Variants in ZNF300 observed in about 807,000 individuals in gnomAD.
The protein encoded by ZNF300 is kruppel-like zinc finger protein.
ZNF300 carries 6 observed loss-of-function variants against 13.9 expected under a neutral mutation model. The ratio of observed to expected loss-of-function variants is 0.43; its 90% CI spans 0.24 to 0.85. The LOEUF (loss-of-function observed/expected upper bound fraction) is 0.85, where lower values mean the gene tolerates loss of function less well. Among genes scored for constraint, ZNF300 ranks in the 40% least tolerant of loss-of-function variants. ZNF300 has a pLI of 0.25. For missense variants in ZNF300, 662 were observed against 714.2 expected (o/e 0.93, Z 0.83); for synonymous variants, 237 against 242.2 (o/e 0.98, Z 0.20).
intron 5 of ZNF300, 171 bp downstream of exon 5, chr5:150,897,889 CAA>C (rs1754849996): frequency 2.8e-6 from 2 of 715,576 alleles, no homozygotes; most frequent in Admixed American, 3.2e-5. Context: ...TATATACACA[CAA>C]GAGACAGGAT....
Position 150,895,582 on chromosome 5 carries a change from C to G in ZNF300, c.1657G>C (p.Glu553Gln). 6.2e-7 allele frequency: 1 copy of G among 1,613,532 alleles called. No individual in the cohort carries two copies. Among genetic ancestry groups the G allele is most frequent in the Non-Finnish European group, 8.5e-7 (1 of 1,179,772 alleles). Residue 553 changes from glutamate to glutamine, a missense_variant, in exon 6 of 6, where the codon GAA becomes CAA. Physicochemically the swap from Glu to Gln is conservative, Grantham distance 29. Coordinates refer to ENST00000274599, the MANE Select transcript of ZNF300 (RefSeq NM_052860.4). ...TTCTGAGAAAAGGCCTTTCCACATT[C>G]AGCACATATGTAAGGTTTCTCTCCT... ...HTGEKPYICAECGKAFSQKSD... is the reference protein window; with the variant it reads ...HTGEKPYICAQCGKAFSQKSD...
chr5:150,903,402 G>C, intron 2 of ZNF300: 1 of 1,520,880 alleles, frequency 6.6e-7, no homozygotes, highest in Non-Finnish European at 8.9e-7. Context: ...TGATCACATA[G>C]AAGTTGACCA....
rs977790975 is a variant in ZNF300 at position 150,895,237 on chromosome 5, T to C, written c.*187A>G. On this transcript the variant is annotated 3_prime_UTR_variant, in exon 6 of 6. Transcript: ENST00000274599. ...AAAGCTTTACATGCCATATTAAAAA[T>C]GTTCTTCATTTATATAACTATTTTC... 2.0e-6 allele frequency: 1 copy of C among 503,318 alleles called. No individual in the cohort carries two copies. The highest frequency in any genetic ancestry group is 3.6e-5 in the Admixed American group (1 of 27,632). 31.2% of individuals were successfully genotyped at this position (503,318 alleles called of 1,614,324 possible). A position where few individuals can be genotyped will look rare whatever the true frequency, so the allele number is the denominator to read the frequency against.
At position 150,903,678 on chromosome 5, in the gene ZNF300, T is replaced by C. The variant is rs557100197; in HGVS notation, c.-28+186A>G. Among the ~76,000 whole-genome samples, 11 of 152,342 alleles carry C rather than the reference T, an allele frequency of 7.2e-5. No individual in the cohort carries two copies. In the South Asian group the frequency reaches 1.4e-3, roughly 20 times the overall value. ...CAATTTTCCAAGAACTCTCTTATATTTTCCCCCAACTTAGAAAACTCTTGC... is the reference window on the plus strand; with the variant it reads ...CAATTTTCCAAGAACTCTCTTATATCTTCCCCCAACTTAGAAAACTCTTGC... On this transcript the variant is annotated intron_variant, in intron 2 of 5. Coordinates refer to ENST00000274599, the MANE Select transcript of ZNF300 (RefSeq NM_052860.4).
intron 3 of ZNF300, among the ~76,000 whole-genome samples, chr5:150,898,901 T>C (rs890490719): frequency 5.3e-5 from 8 of 152,022 alleles, no homozygotes; most frequent in African/African-American, 1.9e-4. Context: ...TGAATATTTA[T>C]ATGTTGAAGT....
In ZNF300 at chr5:150,898,040, CAT is replaced by C. The variant is rs763557828; in HGVS notation, c.265+20_265+21del. 8.7e-6 allele frequency: 14 copies of C among 1,602,900 alleles called. No individual in the cohort carries two copies. The Middle Eastern group carries it at 6.7e-4, about 77-fold the overall frequency. On this transcript the variant is annotated intron_variant, in intron 5 of 5. Coordinates refer to ENST00000274599, the MANE Select transcript of ZNF300 (RefSeq NM_052860.4). ...CTCAGGCACCAATCAATTAAAAAAACATAAATTGATATTTCACTTCCCTTGTC... is the reference window on the plus strand; with the variant it reads ...CTCAGGCACCAATCAATTAAAAAAACAAATTGATATTTCACTTCCCTTGTC...
At chr5:150,899,121 G>T (rs932469159) in intron 3 of ZNF300, among the ~76,000 whole-genome samples, 1 of 151,956 alleles carries the variant, frequency 6.6e-6, no homozygotes, top group Non-Finnish European at 1.5e-5. Context: ...AAGGAGAGAG[G>T]CATGAAACAA....
rs1171773737 is a variant in ZNF300, at chr5:150,895,197, G to A, written c.*227C>T. On this transcript the variant is annotated 3_prime_UTR_variant, in exon 6 of 6. Coordinates refer to ENST00000274599, the MANE Select transcript of ZNF300 (RefSeq NM_052860.4). ...TGCTTAACTTGCTGTGCTGATCACTGAGTTCATAACTTTAAAAGCTTTACA... is the reference window on the plus strand; with the variant it reads ...TGCTTAACTTGCTGTGCTGATCACTAAGTTCATAACTTTAAAAGCTTTACA... The A allele has an allele frequency of 2.3e-6, 1 of 431,602 alleles. No individual in the cohort carries two copies. Among genetic ancestry groups the A allele is most frequent in the African/African-American group, 2.0e-5 (1 of 49,582 alleles). The allele number at this position is 431,602 out of a possible 1,614,324, so 26.7% of individuals were successfully genotyped here. A position where few individuals can be genotyped will look rare whatever the true frequency, so the allele number is the denominator to read the frequency against.
At chr5:150,903,351 T>C in intron 2 of ZNF300, 169 bp from the exon 3 acceptor site, 1 of 1,551,594 alleles carries the variant, frequency 6.4e-7, no homozygotes, top group Non-Finnish European at 8.7e-7. Context: ...AGGCACCATG[T>C]GGAGGAGGGA....
chr5:150,896,739 A>G lies in ZNF300; in HGVS notation c.500T>C (p.Leu167Pro). 2 of 1,613,508 alleles carry G rather than the reference A, an allele frequency of 1.2e-6. No individual in the cohort carries two copies. Among genetic ancestry groups the G allele is most frequent in the Non-Finnish European group, 1.7e-6 (2 of 1,179,636 alleles). Residue 167 changes from leucine to proline, a missense_variant, in exon 6 of 6, where the codon CTG (leucine) becomes CCG (proline). Leu to Pro is a moderately conservative substitution (Grantham distance 98). Transcript: ENST00000274599. ...TEASGHKYNP[L>P]GKIFQECIET... The stretch of plus-strand genomic sequence containing the variant: ...TATGCACTCTTGAAATATTTTCCCC[A>G]GTGGATTATATTTATGCCCTGATGC...
chr5:150,901,158 C>T (rs1297557991), intron 3 of ZNF300, among the ~76,000 whole-genome samples: 2 of 151,978 alleles, frequency 1.3e-5, no homozygotes, highest in African/African-American at 2.4e-5. Flanking sequence ...AGCATTTAAT[C>T]AACTAATTAG....
chr5:150,897,896 CA>C lies in ZNF300; in HGVS notation c.265+165del, dbSNP rs1159114391. 1.1e-5 allele frequency: 8 copies of C among 737,342 alleles called. 1 individual carries two copies. The Admixed American group carries it at 1.9e-4, about 17-fold the overall frequency. 45.7% of individuals were successfully genotyped at this position (737,342 alleles called of 1,614,324 possible). A position where few individuals can be genotyped will look rare whatever the true frequency, so the allele number is the denominator to read the frequency against. On this transcript the variant is annotated intron_variant, in intron 5 of 5. Coordinates refer to ENST00000274599, the MANE Select transcript of ZNF300 (RefSeq NM_052860.4). Reference sequence around the variant, plus strand: ...AACATATATATATACACACAAGAGACAGGATCAACAACAAATAGAACTCCTC... The same window carrying C: ...AACATATATATATACACACAAGAGACGGATCAACAACAAATAGAACTCCTC...
chr5:150,902,226 A>G (rs1039686730), intron 3 of ZNF300, among the ~76,000 whole-genome samples: 1 of 152,202 alleles, frequency 6.6e-6, no homozygotes, highest in African/African-American at 2.4e-5. Flanking sequence ...CAAAGAAGGA[A>G]CAGCCTTGAA....
intron 3 of ZNF300, among the ~76,000 whole-genome samples, chr5:150,902,622 A>C (rs1755028462): frequency 6.6e-6 from 1 of 152,250 alleles, no homozygotes; most frequent in Admixed American, 6.5e-5. Context: ...CTTTCTTTAT[A>C]AAAACAGTTG....
chr5:150,896,196 G>T lies in ZNF300; in HGVS notation c.1043C>A (p.Thr348Asn), dbSNP rs1324787707. The T allele has an allele frequency of 6.2e-7, 1 of 1,613,602 alleles. No individual in the cohort carries two copies. Among genetic ancestry groups the T allele is most frequent in the South Asian group, 1.1e-5 (1 of 91,056 alleles). ...SSLIIHQRVH[T>N]GEKPYECSEC... ...ACTACATTCATAGGGTTTTTCCCCA[G>T]TGTGAACTCTCTGATGTATAATAAG... Residue 348 changes from threonine (T) to asparagine (N), a missense_variant, in exon 6 of 6, where the codon ACT (threonine) becomes AAT (asparagine). Thr to Asn is a moderately conservative substitution (Grantham distance 65). Transcript: ENST00000274599.
In ZNF300 at chr5:150,896,953, T is replaced by C. The variant is rs1320523310; in HGVS notation, c.286A>G (p.Asn96Asp). Reference protein sequence around the residue: ...GRQDRKSNLHNSQSCILGTVS... With the variant: ...GRQDRKSNLHDSQSCILGTVS... ...GTCCCCAAAATACATGACTGGGAGT[T>C]GTGAAGGTTACTCTTCCTGTCTAAA... The change falls in exon 6 of 6, where the codon AAC (asparagine) becomes GAC (aspartate). Residue 96 changes from asparagine to aspartate, a missense_variant. By Grantham distance (23) the Asn-to-Asp change is conservative (BLOSUM62 1). Transcript: ENST00000274599. 6.2e-7 allele frequency: 1 copy of C among 1,611,344 alleles called. No individual in the cohort carries two copies. Among genetic ancestry groups the C allele is most frequent in the Admixed American group, 1.7e-5 (1 of 59,554 alleles).
chr5:150,895,590 A>C lies in ZNF300; in HGVS notation c.1649T>G (p.Ile550Arg). The change falls in exon 6 of 6, where the codon ATA (isoleucine) becomes AGA (arginine). Residue 550 changes from isoleucine (I) to arginine (R), a missense_variant. Ile to Arg is a moderately conservative substitution (Grantham distance 97). Coordinates refer to ENST00000274599, the MANE Select transcript of ZNF300 (RefSeq NM_052860.4). ...AAAGGCCTTTCCACATTCAGCACAT[A>C]TGTAAGGTTTCTCTCCTGTATGAAT... ...QRIHTGEKPY[I>R]CAECGKAFSQ... The C allele has an allele frequency of 6.2e-7, 1 of 1,613,432 alleles. No homozygotes were observed. Among genetic ancestry groups the C allele is most frequent in the Non-Finnish European group, 8.5e-7 (1 of 1,179,734 alleles).
Position 150,896,856 on chromosome 5 carries a change from C to G in ZNF300, c.383G>C (p.Cys128Ser), listed in dbSNP as rs151248402. 7 of 1,613,720 alleles carry G rather than the reference C, an allele frequency of 4.3e-6. No individual in the cohort carries two copies. Among genetic ancestry groups the G allele is most frequent in the Non-Finnish European group, 1.7e-6 (2 of 1,179,754 alleles). ...TCTCTGCAGCTGACCATCACCTTGACAGACTTTTAAAATGGAGCACAATGA... is the reference window on the plus strand; with the variant it reads ...TCTCTGCAGCTGACCATCACCTTGAGAGACTTTTAAAATGGAGCACAATGA... Reference protein sequence around the residue: ...DGSLCSILKVCQGDGQLQRFL... With the variant: ...DGSLCSILKVSQGDGQLQRFL... The change falls in exon 6 of 6, where the codon TGT becomes TCT. Residue 128 changes from cysteine (C) to serine (S), a missense_variant. Physicochemically the swap from Cys to Ser is moderately radical, Grantham distance 112. Transcript: ENST00000274599.
chr5:150,904,476 C>A (rs1471125278), intron 1 of ZNF300, among the ~76,000 whole-genome samples: 2 of 151,986 alleles, frequency 1.3e-5, no homozygotes, highest in African/African-American at 4.8e-5. Flanking sequence ...CCTCAGAGTC[C>A]CCTAAATCAC....
Sources: gnomAD v4.1 joint callset for allele counts (sites outside exome capture counted in the v4.1 genomes callset) on GRCh38, gnomAD v4.1.1 for gene constraint, MANE v1.5 for transcripts, NCBI Gene and HGNC (gene_info 2026-07-23, HGNC 2026-07-21) for gene names.